Variants in NPAS3 observed in about 807,000 individuals in gnomAD.
NPAS3 encodes the protein neuronal PAS domain-containing protein 3.
NPAS3 carries 14 observed loss-of-function variants against 73.1 expected under a neutral mutation model. The ratio of observed to expected loss-of-function variants is 0.19; its 90% CI spans 0.13 to 0.30. NPAS3 has a LOEUF of 0.30. NPAS3 is among the 10% of genes least tolerant of loss of function. The probability of loss-of-function intolerance (pLI) is 1.00; values close to 1 mark genes in which losing one functional copy is unlikely to be tolerated. For missense variants in NPAS3, 1,096 were observed against 1,250.0 expected (o/e 0.88, Z 1.86); for synonymous variants, 620 against 541.5 (o/e 1.14, Z -2.01).
At chr14:33,018,430 G>C (rs1042089674) in intron 1 of NPAS3, among the ~76,000 whole-genome samples, 3 of 152,146 alleles carry the variant, frequency 2.0e-5, no homozygotes, top group Non-Finnish European at 2.9e-5. Context: ...TCATGGCAGA[G>C]GCAGGACTTT....
At chr14:33,293,935 G>A (rs1055867851) in intron 3 of NPAS3, among the ~76,000 whole-genome samples, 2 of 152,164 alleles carry the variant, frequency 1.3e-5, no homozygotes, top group South Asian at 2.1e-4. Context: ...CATTAATGCA[G>A]CAAGACAACA....
At chr14:33,095,672 T>TG (rs2042388000) in intron 2 of NPAS3, among the ~76,000 whole-genome samples, 1 of 136,308 alleles carries the variant, frequency 7.3e-6, no homozygotes, top group Non-Finnish European at 1.6e-5. Flanking sequence ...ATTTTTTTAT[T>TG]TTTTTTTTTT....
At chr14:33,291,721 TA>T (rs1448775579) in intron 3 of NPAS3, among the ~76,000 whole-genome samples, 3 of 152,234 alleles carry the variant, frequency 2.0e-5, no homozygotes, top group African/African-American at 4.8e-5. Context: ...TGATACATCA[TA>T]AAATTTCACA....
intron 5 of NPAS3, among the ~76,000 whole-genome samples, chr14:33,670,400 A>AAGTC (rs970336464): frequency 2.6e-5 from 4 of 152,184 alleles, no homozygotes; most frequent in African/African-American, 9.7e-5. Flanking sequence ...TTCTTCAGAT[A>AAGTC]AGTCAGCAAA....
At chr14:33,132,425 A>G (rs2043674250) in intron 2 of NPAS3, among the ~76,000 whole-genome samples, 1 of 152,152 alleles carries the variant, frequency 6.6e-6, no homozygotes, top group African/African-American at 2.4e-5. Flanking sequence ...TAGAAGTCTT[A>G]TATTTTAAAC....
intron 2 of NPAS3, among the ~76,000 whole-genome samples, chr14:33,077,064 C>T (rs77924914): frequency 0.026 from 3,903 of 152,210 alleles, 60 homozygotes; most frequent in Non-Finnish European, 0.039. Context: ...GTGGGTGAAA[C>T]GGGCAAAGGT....
intron 7 of NPAS3, among the ~76,000 whole-genome samples, chr14:33,756,050 T>C (rs1403196613): frequency 6.6e-6 from 1 of 152,142 alleles, no homozygotes; most frequent in East Asian, 1.9e-4. Flanking sequence ...ACCTCCAACA[T>C]TGAGGATCTA....
Position 33,570,670 on chromosome 14 carries a change from A to G in NPAS3, c.558+10460A>G, listed in dbSNP as rs143516499. The stretch of plus-strand genomic sequence containing the variant: ...ACTGGGACTCATTCAGCTCTTTAGT[A>G]AAAACACGGGCCTGCAACCTTGGCT... On this transcript the variant is annotated intron_variant, in intron 5 of 11. Coordinates refer to ENST00000356141, the Ensembl canonical transcript of NPAS3. Among the ~76,000 whole-genome samples the G allele has an allele frequency of 5.3e-5, 8 of 152,332 alleles. No homozygotes were observed. The East Asian group carries it at 7.7e-4, about 15-fold the overall frequency.
intron 3 of NPAS3, among the ~76,000 whole-genome samples, chr14:33,361,336 T>C (rs1469755914): frequency 6.6e-6 from 1 of 152,216 alleles, no homozygotes; most frequent in Non-Finnish European, 1.5e-5. Context: ...TAGAAAATGA[T>C]AAACATTTTC....
chr14:33,778,409 A>G lies in NPAS3; in HGVS notation c.1047-57A>G. 4 of 1,228,684 alleles carry G rather than the reference A, an allele frequency of 3.3e-6. No individual in the cohort carries two copies. In the South Asian group the frequency reaches 4.8e-5, roughly 15 times the overall value. 76.1% of individuals were successfully genotyped at this position (1,228,684 alleles called of 1,614,324 possible). A position where few individuals can be genotyped will look rare whatever the true frequency, so the allele number is the denominator to read the frequency against. On this transcript the variant is annotated intron_variant, in intron 8 of 11. Coordinates refer to ENST00000356141, the Ensembl canonical transcript of NPAS3. ...AGTAGAACTGTTTCTAAGTTATTTG[A>G]CAGTTTCTTTATATTTCCTCCTTTC...
chr14:33,450,703 G>A (rs1332679967), intron 4 of NPAS3, among the ~76,000 whole-genome samples: 1 of 152,106 alleles, frequency 6.6e-6, no homozygotes, highest in Admixed American at 6.5e-5. Context: ...TTCTAAATCT[G>A]AATCTGTGTG....
At chr14:33,211,142 ATAAAG>A (rs1347112846) in intron 2 of NPAS3, among the ~76,000 whole-genome samples, 2 of 152,242 alleles carry the variant, frequency 1.3e-5, no homozygotes, top group Non-Finnish European at 2.9e-5. Flanking sequence ...CGACAACTTT[ATAAAG>A]TAGAGTATTA....
Position 32,945,673 on chromosome 14 carries a change from A to G in NPAS3, c.50+6307A>G, listed in dbSNP as rs527901136. On this transcript the variant is annotated intron_variant, in intron 1 of 11. Coordinates refer to ENST00000356141, the Ensembl canonical transcript of NPAS3. ...TCCGAGCCAATATCAGAGAGTTCCAATGGCAGAAAGACCAGTTCACTATGG... is the reference window on the plus strand; with the variant it reads ...TCCGAGCCAATATCAGAGAGTTCCAGTGGCAGAAAGACCAGTTCACTATGG... Among the ~76,000 whole-genome samples, 13 of 152,300 alleles carry G rather than the reference A, an allele frequency of 8.5e-5. No homozygotes were observed. The South Asian group carries it at 2.7e-3, about 32-fold the overall frequency.
At chr14:33,488,939 T>C (rs905368756) in intron 4 of NPAS3, among the ~76,000 whole-genome samples, 2 of 152,174 alleles carry the variant, frequency 1.3e-5, no homozygotes, top group African/African-American at 2.4e-5. Flanking sequence ...CTGTTGTTTT[T>C]AAAGATGCTC....
chr14:33,227,193 T>A (rs1353459630), intron 3 of NPAS3, among the ~76,000 whole-genome samples: 1 of 152,222 alleles, frequency 6.6e-6, no homozygotes, highest in East Asian at 1.9e-4. Context: ...CTAAAGTGCT[T>A]TTCATTATAT....
chr14:33,379,911 G>T (rs2046466037), intron 4 of NPAS3, among the ~76,000 whole-genome samples: 1 of 151,448 alleles, frequency 6.6e-6, no homozygotes, highest in Admixed American at 6.6e-5. Context: ...TGTCACATCT[G>T]TATTCTACTT....
rs571328594 is a variant in NPAS3 at position 33,064,495 on chromosome 14, G to T, written c.140+8501G>T. ...TGTTACCTTGGAGCTCACAGAGCAG[G>T]CTTTGGTGGGCCTTCAACTTGTGTT... On this transcript the variant is annotated intron_variant, in intron 2 of 11. Transcript: ENST00000356141. 8.5e-5 allele frequency among the ~76,000 whole-genome samples: 13 copies of T among 152,248 alleles called. No individual in the cohort carries two copies. The South Asian group carries it at 2.7e-3, about 32-fold the overall frequency.
At chr14:33,056,511 A>G (rs1055979474) in intron 2 of NPAS3, among the ~76,000 whole-genome samples, 1 of 152,128 alleles carries the variant, frequency 6.6e-6, no homozygotes. Context: ...GCTAATTACT[A>G]TGTACCTTAC....
chr14:33,262,625 T>C (rs1267682488), intron 3 of NPAS3, among the ~76,000 whole-genome samples: 1 of 152,218 alleles, frequency 6.6e-6, no homozygotes, highest in Non-Finnish European at 1.5e-5. Flanking sequence ...TTTTTTTAAA[T>C]TGTAGATTCA....
Sources: gnomAD v4.1 joint callset for allele counts (sites outside exome capture counted in the v4.1 genomes callset) on GRCh38, gnomAD v4.1.1 for gene constraint, MANE v1.5 for transcripts, NCBI Gene and HGNC (gene_info 2026-07-23, HGNC 2026-07-21) for gene names.